Variants in TBL1X observed in about 807,000 individuals in gnomAD.
The protein encoded by TBL1X is F-box-like/WD repeat-containing protein TBL1X.
A neutral mutation model predicts 50.7 loss-of-function variants in TBL1X; 10 were observed. That is an observed-to-expected ratio of 0.20 (90% confidence interval 0.12 to 0.33). TBL1X has a LOEUF of 0.33. TBL1X is among the 10% of genes least tolerant of loss of function. TBL1X has a pLI of 1.00. For synonymous variants in TBL1X, 190 were observed against 214.7 expected (o/e 0.88, Z 1.01); for missense variants, 340 against 504.4 (o/e 0.67, Z 3.12).
intron 12 of TBL1X, among the ~76,000 whole-genome samples, chrX:9,701,594 A>AAAAAAAAAG (rs2083173343): frequency 1.1e-5 from 1 of 91,750 alleles, no homozygotes; most frequent in African/African-American, 3.9e-5. Flanking sequence ...AAAAAAAAAA[A>AAAAAAAAAG]AAGAAGAAGA....
intron 1 of TBL1X, among the ~76,000 whole-genome samples, chrX:9,479,938 A>ATGTTTGTGTGTGTGTGTGTG (rs1169895898): frequency 1.1e-4 from 10 of 94,988 alleles, no homozygotes; most frequent in Non-Finnish European, 1.7e-4. Context: ...GGAAAGTAGA[A>ATGTTTGTGTGTGTGTGTGTG]TGTGTGTGTG....
At chrX:9,630,306 C>G (rs907002479) in intron 2 of TBL1X, among the ~76,000 whole-genome samples, 15 of 111,881 alleles carry the variant, frequency 1.3e-4, no homozygotes, top group Non-Finnish European at 2.8e-4. Flanking sequence ...CACAGATTCC[C>G]TAAGGACGTG....
intron 5 of TBL1X, among the ~76,000 whole-genome samples, chrX:9,659,736 G>A (rs976399733): frequency 1.8e-5 from 2 of 112,065 alleles, no homozygotes; most frequent in Non-Finnish European, 3.8e-5. Flanking sequence ...AAACATGACT[G>A]GTTTTATAGA....
Position 9,654,248 on chromosome X carries a change from C to T in TBL1X, c.137C>T (p.Pro46Leu), listed in dbSNP as rs751243843. 3 of 1,210,547 alleles carry T rather than the reference C, an allele frequency of 2.5e-6. No homozygotes were observed. The highest frequency in any genetic ancestry group is 2.2e-5 in the Admixed American group (1 of 45,940). Residue 46 changes from proline (P) to leucine (L), a missense_variant, in exon 5 of 18, where the codon CCG becomes CTG. This residue lies in a region of TBL1X where 41 missense variants were observed against 48.6 expected (regional missense o/e 0.84). Transcript: ENST00000645353. The part of the protein sequence containing the change: ...GGSHFINTSS[P>L]RGEAKMSITS... ...TCCCACTTCATCAACACCTCATCGC[C>T]GCGAGGTGAGGCTAAGATGAGCATA...
intron 2 of TBL1X, among the ~76,000 whole-genome samples, chrX:9,583,068 C>T (rs1015184694): frequency 1.3e-4 from 15 of 112,215 alleles, no homozygotes; most frequent in African/African-American, 4.5e-4. Flanking sequence ...ACGAAAAGAC[C>T]ACAGACTAGG....
intron 2 of TBL1X, among the ~76,000 whole-genome samples, chrX:9,568,122 G>C (rs5979120): frequency 0.014 from 1,581 of 112,116 alleles, 23 homozygotes; most frequent in African/African-American, 0.048. Flanking sequence ...GTTACAGCCT[G>C]GAAGTGGTTG....
intron 2 of TBL1X, among the ~76,000 whole-genome samples, chrX:9,610,510 C>G (rs73632606): frequency 0.04 from 4,514 of 112,048 alleles, 71 homozygotes; most frequent in Middle Eastern, 0.082. Context: ...GTGGCAAGCT[C>G]TGTGCTGTCT....
chrX:9,550,355 GCAGT>G (rs1023709734), intron 2 of TBL1X, among the ~76,000 whole-genome samples: 2 of 112,121 alleles, frequency 1.8e-5, no homozygotes, highest in Admixed American at 9.4e-5. Context: ...ATGAAAATAA[GCAGT>G]CATTCAAAAA....
intron 2 of TBL1X, among the ~76,000 whole-genome samples, chrX:9,627,841 A>C (rs1251110509): frequency 1.8e-5 from 2 of 112,206 alleles, no homozygotes; most frequent in Non-Finnish European, 3.8e-5. Context: ...GTTCACTTAC[A>C]CTCTTCAGAA....
At chrX:9,709,910 G>GTA in intron 15 of TBL1X, 150 bp downstream of exon 15, 3 of 792,624 alleles carry the variant, frequency 3.8e-6, no homozygotes, top group Non-Finnish European at 5.4e-6. Context: ...GAATTACCGA[G>GTA]TAACACCTGC....
chrX:9,580,899 T>C (rs1286242767), intron 2 of TBL1X, among the ~76,000 whole-genome samples: 1 of 111,319 alleles, frequency 9.0e-6, no homozygotes, highest in East Asian at 2.8e-4. Context: ...TAAATGTTTC[T>C]TATCAGACTT....
At chrX:9,544,290 G>A (rs984090607) in intron 2 of TBL1X, among the ~76,000 whole-genome samples, 21 of 111,771 alleles carry the variant, frequency 1.9e-4, no homozygotes, top group African/African-American at 6.8e-4. Flanking sequence ...TGTCTGGAAA[G>A]CGGGCTCCAC....
intron 2 of TBL1X, among the ~76,000 whole-genome samples, chrX:9,639,121 C>A (rs1168381827): frequency 9.1e-6 from 1 of 110,491 alleles, no homozygotes; most frequent in Non-Finnish European, 1.9e-5. Context: ...TTTCAATGTA[C>A]TGTAATGCAC....
chrX:9,494,966 C>G (rs2081964190), intron 1 of TBL1X, among the ~76,000 whole-genome samples: 2 of 111,722 alleles, frequency 1.8e-5, no homozygotes, highest in Admixed American at 1.9e-4. Flanking sequence ...CCATCCATTT[C>G]CCACATAAAA....
chrX:9,528,529 G>A (rs191506180), intron 2 of TBL1X, among the ~76,000 whole-genome samples: 1 of 110,016 alleles, frequency 9.1e-6, no homozygotes, highest in African/African-American at 3.3e-5. Context: ...TATGGTACCC[G>A]GGCCTGCCTT....
At chrX:9,648,614 A>G (rs780001703) in intron 3 of TBL1X, among the ~76,000 whole-genome samples, 121 of 112,031 alleles carry the variant, frequency 1.1e-3, no homozygotes, top group African/African-American at 3.9e-3. Context: ...TTTTCTTCCA[A>G]AACATCCCCC....
chrX:9,605,345 C>T (rs1305341543), intron 2 of TBL1X, among the ~76,000 whole-genome samples: 1 of 112,223 alleles, frequency 8.9e-6, no homozygotes, highest in Non-Finnish European at 1.9e-5. Flanking sequence ...ACTGGAATTT[C>T]ACTTTGGAGG....
intron 5 of TBL1X, among the ~76,000 whole-genome samples, chrX:9,658,449 C>A (rs1482933514): frequency 9.0e-6 from 1 of 110,678 alleles, no homozygotes; most frequent in Non-Finnish European, 1.9e-5. Context: ...AGCAGCTCCC[C>A]CAAATGCTGG....
At chrX:9,620,229 A>C (rs1379702268) in intron 2 of TBL1X, among the ~76,000 whole-genome samples, 1 of 112,400 alleles carries the variant, frequency 8.9e-6, no homozygotes, top group Non-Finnish European at 1.9e-5. Context: ...AGTCCTCACG[A>C]AGGAAAATGC....
Sources: allele counts gnomAD v4.1 joint callset (sites outside exome capture counted in the v4.1 genomes callset), GRCh38; gene constraint gnomAD v4.1.1; regional missense constraint gnomAD v4.1.1; transcripts MANE v1.5; gene names NCBI Gene and HGNC (gene_info 2026-07-23, HGNC 2026-07-21).